The following ZDHHC14 variants were observed in gnomAD, a reference collection of about 807,000 sequenced individuals.
ZDHHC14 encodes the protein zDHHC palmitoyltransferase 14.
A neutral mutation model predicts 47.7 loss-of-function variants in ZDHHC14; 16 were observed. The observed-to-expected ratio is 0.34, with a 90% CI of 0.23 to 0.51. The LOEUF is 0.51. ZDHHC14 is among the 20% of genes least tolerant of loss of function. The pLI is 0.97. For synonymous variants in ZDHHC14, 293 were observed against 278.9 expected (o/e 1.05, Z -0.50); for missense variants, 515 against 662.5 (o/e 0.78, Z 2.44).
chr6:157,593,677 A>G (rs1002490740), intron 3 of ZDHHC14, among the ~76,000 whole-genome samples: 4 of 152,352 alleles, frequency 2.6e-5, no homozygotes, highest in Admixed American at 6.5e-5. Flanking sequence ...AGGACAGGCT[A>G]GGGAAACAGG....
At chr6:157,429,082 G>A (rs1052443108) in intron 1 of ZDHHC14, among the ~76,000 whole-genome samples, 4 of 152,132 alleles carry the variant, frequency 2.6e-5, no homozygotes, top group Admixed American at 6.5e-5. Flanking sequence ...TGGTGGGGGC[G>A]TGGGGGAAGG....
At chr6:157,386,153 A>G (rs146159977) in intron 1 of ZDHHC14, among the ~76,000 whole-genome samples, 11 of 151,918 alleles carry the variant, frequency 7.2e-5, no homozygotes, top group African/African-American at 2.2e-4. Flanking sequence ...GGAAGGGAAC[A>G]TGTAGGTTAA....
intron 1 of ZDHHC14, among the ~76,000 whole-genome samples, chr6:157,465,047 C>T (rs980263056): frequency 6.6e-6 from 1 of 150,940 alleles, no homozygotes; most frequent in African/African-American, 2.4e-5. Context: ...AAAGAATTTG[C>T]AGCCATCTAA....
At chr6:157,509,227 A>G (rs1236715510) in intron 1 of ZDHHC14, among the ~76,000 whole-genome samples, 1 of 152,144 alleles carries the variant, frequency 6.6e-6, no homozygotes, top group Non-Finnish European at 1.5e-5. Context: ...GCCCACCTGG[A>G]TGATCCAGGA....
At chr6:157,642,044 A>G (rs1483148909) in intron 5 of ZDHHC14, among the ~76,000 whole-genome samples, 1 of 150,212 alleles carries the variant, frequency 6.7e-6, no homozygotes, top group Non-Finnish European at 1.5e-5. Flanking sequence ...ATAGATAGAT[A>G]GATAGATAGA....
chr6:157,616,732 C>G (rs191101906), intron 3 of ZDHHC14, among the ~76,000 whole-genome samples: 1 of 152,132 alleles, frequency 6.6e-6, no homozygotes. Flanking sequence ...ATCAGACGTC[C>G]GGGTGCAGGG....
At chr6:157,539,220 G>A (rs578077629) in intron 1 of ZDHHC14, among the ~76,000 whole-genome samples, 1 of 152,006 alleles carries the variant, frequency 6.6e-6, no homozygotes, top group African/African-American at 2.4e-5. Flanking sequence ...GACCAGCCTG[G>A]GCAACAAAGT....
At chr6:157,423,870 G>T (rs1025798121) in intron 1 of ZDHHC14, among the ~76,000 whole-genome samples, 13 of 152,150 alleles carry the variant, frequency 8.5e-5, no homozygotes, top group Admixed American at 3.9e-4. Flanking sequence ...CCCCAGACCT[G>T]CAGACTCTGA....
At chr6:157,666,026 A>G (rs1583099002) in intron 8 of ZDHHC14, among the ~76,000 whole-genome samples, 1 of 152,334 alleles carries the variant, frequency 6.6e-6, no homozygotes, top group Middle Eastern at 3.4e-3. Context: ...GGCTTTTATT[A>G]TGAGCTAACA....
At chr6:157,566,378 T>A (rs1782902898) in intron 2 of ZDHHC14, among the ~76,000 whole-genome samples, 1 of 152,120 alleles carries the variant, frequency 6.6e-6, no homozygotes, top group Admixed American at 6.5e-5. Flanking sequence ...TTTGCTAGGA[T>A]GGGATGTTTT....
chr6:157,557,679 G>A (rs969800932), intron 2 of ZDHHC14, among the ~76,000 whole-genome samples: 6 of 152,202 alleles, frequency 3.9e-5, no homozygotes, highest in African/African-American at 1.2e-4. Flanking sequence ...TGTCAGCTGG[G>A]TCCATTGCTA....
At chr6:157,601,760 C>T (rs1422723405) in intron 3 of ZDHHC14, among the ~76,000 whole-genome samples, 1 of 151,960 alleles carries the variant, frequency 6.6e-6, no homozygotes, top group South Asian at 2.1e-4. Flanking sequence ...CTTCAGGGCC[C>T]ATGCACATGC....
At chr6:157,545,032 G>GAAAA (rs894408198) in intron 2 of ZDHHC14, among the ~76,000 whole-genome samples, 49 of 152,212 alleles carry the variant, frequency 3.2e-4, no homozygotes, top group African/African-American at 1.1e-3. Flanking sequence ...TAAAAGGGAA[G>GAAAA]AAAAGTATTG....
Position 157,411,896 on chromosome 6 carries a change from T to C in ZDHHC14, c.245+29630T>C, listed in dbSNP as rs963770674. Among the ~76,000 whole-genome samples, 5 of 151,776 alleles carry C rather than the reference T, an allele frequency of 3.3e-5. No individual in the cohort carries two copies. The East Asian group carries it at 7.7e-4, about 23-fold the overall frequency. On this transcript the variant is annotated intron_variant, in intron 1 of 8. Transcript: ENST00000359775. ...GTGGTAGGAAGATTAGCTTTAGATATGTAGTTTGTTGGAGAGATATATACA... is the reference window on the plus strand; with the variant it reads ...GTGGTAGGAAGATTAGCTTTAGATACGTAGTTTGTTGGAGAGATATATACA...
chr6:157,482,191 G>T (rs2114716635), intron 1 of ZDHHC14, among the ~76,000 whole-genome samples: 1 of 152,074 alleles, frequency 6.6e-6, no homozygotes, highest in African/African-American at 2.4e-5. Context: ...ATAGTAGCCA[G>T]TTGGAGATGT....
chr6:157,416,288 A>C (rs1409363064), intron 1 of ZDHHC14, among the ~76,000 whole-genome samples: 1 of 152,162 alleles, frequency 6.6e-6, no homozygotes, highest in Non-Finnish European at 1.5e-5. Flanking sequence ...TGATTTTTCT[A>C]TATATATTTG....
chr6:157,429,421 C>T (rs1419561850), intron 1 of ZDHHC14, among the ~76,000 whole-genome samples: 1 of 152,166 alleles, frequency 6.6e-6, no homozygotes, highest in African/African-American at 2.4e-5. Context: ...AAACTTTGCA[C>T]ATCACTGCCC....
chr6:157,382,818 A>ATCTATCC (rs1465153366), intron 1 of ZDHHC14, among the ~76,000 whole-genome samples: 1 of 152,238 alleles, frequency 6.6e-6, no homozygotes, highest in East Asian at 1.9e-4. Flanking sequence ...TGCCCTGGAT[A>ATCTATCC]GATCATTGCA....
chr6:157,664,252 T>C (rs9365242), intron 8 of ZDHHC14, among the ~76,000 whole-genome samples: 27,548 of 152,244 alleles, frequency 0.18, 2,972 homozygotes, highest in East Asian at 0.52. Flanking sequence ...TACTGCTAAC[T>C]TCATCCAGAT....
Sources: allele counts gnomAD v4.1 joint callset (sites outside exome capture counted in the v4.1 genomes callset), GRCh38; gene constraint gnomAD v4.1.1; transcripts MANE v1.5; gene names NCBI Gene and HGNC (gene_info 2026-07-23, HGNC 2026-07-21).